ALS2CL: variants seen among roughly 807,000 people sequenced by gnomAD.
ALS2CL encodes the protein ALS2 C-terminal like, also known as ALS2 C-terminal-like protein.
A neutral mutation model predicts 127.9 loss-of-function variants in ALS2CL; 112 were observed. That is an observed-to-expected ratio of 0.88 (90% confidence interval 0.75 to 1.02). The LOEUF (loss-of-function observed/expected upper bound fraction) is 1.02, where lower values mean the gene tolerates loss of function less well. Ranked by LOEUF, ALS2CL falls within the 50% of genes least tolerant of loss-of-function variation. ALS2CL has a pLI of 0.00. For synonymous variants in ALS2CL, 519 were observed against 527.6 expected (o/e 0.98, Z 0.22); for missense variants, 1,174 against 1,236.7 (o/e 0.95, Z 0.76).
Position 46,669,346 on chromosome 3 carries a change from G to A in ALS2CL, c.*1638C>T, listed in dbSNP as rs567566059. 3.9e-5 allele frequency: 6 copies of A among 152,392 alleles called. No individual in the cohort carries two copies. The highest frequency in any genetic ancestry group is 1.2e-4 in the African/African-American group (5 of 41,594). The allele number at this position is 152,392 out of a possible 1,614,324, so 9.4% of individuals were successfully genotyped here. ...GGCTCCAGTTCCACTGGTGTTGGGT[G>A]AGGCCTAGTGAGAGGGTGGGCAGAG... On this transcript the variant is annotated 3_prime_UTR_variant, in exon 26 of 26. Coordinates refer to ENST00000318962, the MANE Select transcript of ALS2CL (RefSeq NM_147129.5).
intron 4 of ALS2CL, 32 bp from the exon 5 acceptor site, chr3:46,687,180 A>T (rs1575446745): frequency 2.0e-6 from 3 of 1,488,904 alleles, no homozygotes; most frequent in Non-Finnish European, 2.7e-6. Context: ...CACCACCTTC[A>T]CCCCTTCCTC....
chr3:46,681,690 A>G lies in ALS2CL; in HGVS notation c.1176-92T>C. 1 of 1,315,912 alleles carries G rather than the reference A, an allele frequency of 7.6e-7. No homozygotes were observed. The highest frequency in any genetic ancestry group is 1.3e-5 in the South Asian group (1 of 79,182). 81.5% of individuals were successfully genotyped at this position (1,315,912 alleles called of 1,614,324 possible). On this transcript the variant is annotated intron_variant, in intron 11 of 25. Transcript: ENST00000318962. The surrounding 1 kb of genome is among the most constrained non-coding windows in gnomAD (Gnocchi z 4.9). ...CCACCCAGGAGTATCCCTGCCCCCAAGGAGCCTTCCAGACAACAGGGAGAC... is the reference window on the plus strand; with the variant it reads ...CCACCCAGGAGTATCCCTGCCCCCAGGGAGCCTTCCAGACAACAGGGAGAC...
At chr3:46,673,919 G>A (rs774647998) in intron 21 of ALS2CL, among the ~76,000 whole-genome samples, 1 of 152,220 alleles carries the variant, frequency 6.6e-6, no homozygotes, top group African/African-American at 2.4e-5. Flanking sequence ...TGGGAGCAGA[G>A]ACAGTGCCCG....
At chr3:46,674,341 TGG>T (rs1698638384) in intron 21 of ALS2CL, among the ~76,000 whole-genome samples, 1 of 152,168 alleles carries the variant, frequency 6.6e-6, no homozygotes, top group African/African-American at 2.4e-5. Context: ...TTGGTGCTTA[TGG>T]TGTTTGTCAC....
chr3:46,677,479 G>T, intron 16 of ALS2CL: 1 of 846,808 alleles, frequency 1.2e-6, no homozygotes, highest in Non-Finnish European at 1.4e-6. Context: ...CTGCACTCCA[G>T]TGTCATGCTC....
chr3:46,678,265 C>T lies in ALS2CL; in HGVS notation c.1751G>A (p.Cys584Tyr), dbSNP rs774616995. ...AALPPDPSST[C>Y]KRQLGVGAFP... ...AGAGGGGCCAGGCACTCACCTCTTG[C>T]AGGTACTGCTCGGGTCTGGTGGGAG... The change falls in exon 16 of 26, where the codon TGC becomes TAC. Residue 584 changes from cysteine to tyrosine, a missense_variant. By Grantham distance (194) the Cys-to-Tyr change is radical (BLOSUM62 -2). Transcript: ENST00000318962. 6.3e-6 allele frequency: 10 copies of T among 1,590,782 alleles called. 1 individual carries two copies. In the South Asian group the frequency reaches 1.1e-4, roughly 18 times the overall value.
chr3:46,687,208 C>G, intron 4 of ALS2CL, 60 bp from the exon 5 acceptor site: 2 of 1,445,554 alleles, frequency 1.4e-6, no homozygotes, highest in South Asian at 2.8e-5. Context: ...GCACCCACAC[C>G]GCCACCTCCC....
At chr3:46,691,838 G>C (rs1434667025) in intron 1 of ALS2CL, among the ~76,000 whole-genome samples, 3 of 151,514 alleles carry the variant, frequency 2.0e-5, no homozygotes, top group Admixed American at 6.6e-5. Flanking sequence ...GATTACAGGC[G>C]TGAGCCACTG....
chr3:46,680,710 A>G (rs1699250127), intron 13 of ALS2CL, 169 bp from the exon 14 acceptor site: 1 of 615,746 alleles, frequency 1.6e-6, no homozygotes, highest in African/African-American at 1.8e-5. Flanking sequence ...AGAGGAATAG[A>G]GAATGGAGGA....
chr3:46,678,255 T>C lies in ALS2CL; in HGVS notation c.1757+4A>G. ...GCCCAGAGCCAGAGGGGCCAGGCACTCACCTCTTGCAGGTACTGCTCGGGT... is the reference window on the plus strand; with the variant it reads ...GCCCAGAGCCAGAGGGGCCAGGCACCCACCTCTTGCAGGTACTGCTCGGGT... On this transcript the variant is annotated splice_donor_region_variant and intron_variant, in intron 16 of 25. Transcript: ENST00000318962. The C allele has an allele frequency of 6.3e-7, 1 of 1,576,146 alleles. No individual in the cohort carries two copies. The highest frequency in any genetic ancestry group is 8.7e-7 in the Non-Finnish European group (1 of 1,153,978).
Position 46,672,317 on chromosome 3 carries a change from G to A in ALS2CL, c.2473-116C>T, listed in dbSNP as rs548179214. ...ACCCTTCCCTTCACTGCCAGCTTTAGTGCAGCCCCACCCTGAGGGCTGAGT... is the reference window on the plus strand; with the variant it reads ...ACCCTTCCCTTCACTGCCAGCTTTAATGCAGCCCCACCCTGAGGGCTGAGT... On this transcript the variant is annotated intron_variant, in intron 22 of 25. Transcript: ENST00000318962. 5.4e-6 allele frequency: 7 copies of A among 1,306,818 alleles called. No homozygotes were observed. The South Asian group carries it at 9.6e-5, about 18-fold the overall frequency. 81.0% of individuals were successfully genotyped at this position (1,306,818 alleles called of 1,614,324 possible).
intron 4 of ALS2CL, 148 bp downstream of exon 4, chr3:46,687,471 G>T: frequency 1.1e-6 from 1 of 921,162 alleles, no homozygotes; most frequent in Non-Finnish European, 1.6e-6. Context: ...TTCCAGTGTG[G>T]ATCAGTGCAG....
At chr3:46,673,235 C>CCCCACCAA in intron 22 of ALS2CL, 104 bp downstream of exon 22, 1 of 1,071,356 alleles carries the variant, frequency 9.3e-7, no homozygotes, top group Non-Finnish European at 1.3e-6. Context: ...TGCCCCTCCC[C>CCCCACCAA]AGCTCCTCTG....
rs767524695 is a variant in ALS2CL at position 46,681,260 on chromosome 3, C to T, written c.1422G>A (p.Glu474=). The T allele has an allele frequency of 8.7e-6, 14 of 1,613,964 alleles. No homozygotes were observed. The highest frequency in any genetic ancestry group is 1.3e-5 in the African/African-American group (1 of 75,020). ...ERGQRSGYGI[E]EDGDRGERYI... is the part of the protein sequence containing the mutation. Reference sequence around the variant, plus strand: ...AGGGCGCTCACCTGTCACCATCCTCCTCAATGCCATAGCCGCTCCTCTGGC... The same window carrying T: ...AGGGCGCTCACCTGTCACCATCCTCTTCAATGCCATAGCCGCTCCTCTGGC... The change falls in exon 13 of 26, where the codon GAG becomes GAA. Residue 474 remains glutamate, a synonymous_variant. Transcript: ENST00000318962. The surrounding 1 kb of genome is among the most constrained non-coding windows in gnomAD (Gnocchi z 4.9).
At chr3:46,672,236 TG>T in intron 22 of ALS2CL, 35 bp from the exon 23 acceptor site, 1 of 1,612,186 alleles carries the variant, frequency 6.2e-7, no homozygotes, top group Non-Finnish European at 8.5e-7. Context: ...GATGAGGCCA[TG>T]GCCCCCCAGC....
At chr3:46,676,788 C>T (rs761468813) in intron 17 of ALS2CL, 50 bp from the exon 18 acceptor site, 60 of 1,599,196 alleles carry the variant, frequency 3.8e-5, no homozygotes, top group Non-Finnish European at 5.0e-5. Context: ...CCAGCCCCCT[C>T]CCCCCAGGAA....
rs1698685537 is a variant in ALS2CL at position 46,674,846 on chromosome 3, G to T, written c.2256-107C>A. 8 of 1,095,516 alleles carry T rather than the reference G, an allele frequency of 7.3e-6. No individual in the cohort carries two copies. The South Asian group carries it at 1.3e-4, about 18-fold the overall frequency. The allele number at this position is 1,095,516 out of a possible 1,614,324, so 67.9% of individuals were successfully genotyped here. A position where few individuals can be genotyped will look rare whatever the true frequency, so the allele number is the denominator to read the frequency against. ...TAGTTCCACAACAAACAGTGTCCTG[G>T]CCTCCAGCCTCCTCCTCCCCAGAAA... On this transcript the variant is annotated intron_variant, in intron 20 of 25. Coordinates refer to ENST00000318962, the MANE Select transcript of ALS2CL (RefSeq NM_147129.5).
intron 1 of ALS2CL, among the ~76,000 whole-genome samples, chr3:46,690,030 T>C (rs1326297985): frequency 2.6e-5 from 4 of 151,918 alleles, no homozygotes; most frequent in African/African-American, 7.3e-5. Context: ...GGGCAAGAAA[T>C]GAAAAGGAAG....
rs760691427 is a variant in ALS2CL, at chr3:46,689,345, G to T, written c.96C>A (p.Leu32=). 1 of 1,612,950 alleles carries T rather than the reference G, an allele frequency of 6.2e-7. No homozygotes were observed. Among genetic ancestry groups the T allele is most frequent in the South Asian group, 1.1e-5 (1 of 90,908 alleles). The change falls in exon 2 of 26, where the codon CTC becomes CTA. Residue 32 remains leucine (L), a synonymous_variant. Coordinates refer to ENST00000318962, the MANE Select transcript of ALS2CL (RefSeq NM_147129.5). ...TAGAAAGCCTAGACTCACCGGCTGGGAGCAGGGGCTGGAGGACAAGGCTGT... is the reference window on the plus strand; with the variant it reads ...TAGAAAGCCTAGACTCACCGGCTGGTAGCAGGGGCTGGAGGACAAGGCTGT... ...HVNSLVLQPL[L]PAAPDPSDPW...
Sources: allele counts gnomAD v4.1 joint callset (sites outside exome capture counted in the v4.1 genomes callset), GRCh38; gene constraint gnomAD v4.1.1; non-coding constraint Gnocchi (gnomAD v3.1); transcripts MANE v1.5; gene names NCBI Gene and HGNC (gene_info 2026-07-23, HGNC 2026-07-21).